Variants in NECTIN1 observed in about 807,000 individuals in gnomAD.
NECTIN1 encodes nectin-1.
A neutral mutation model predicts 48.0 loss-of-function variants in NECTIN1; 23 were observed. The ratio of observed to expected loss-of-function variants is 0.48; its 90% CI spans 0.34 to 0.68. NECTIN1 has a LOEUF of 0.68. Ranked by LOEUF, NECTIN1 falls within the 30% of genes least tolerant of loss-of-function variation. The pLI is 0.01. For synonymous variants in NECTIN1, 270 were observed against 288.9 expected (o/e 0.93, Z 0.66); for missense variants, 591 against 709.9 (o/e 0.83, Z 1.90).
At chr11:119,641,147 C>G (rs993147707) in intron 5 of NECTIN1, 4 of 152,284 alleles carry the variant, frequency 2.6e-5, no homozygotes, top group African/African-American at 9.7e-5. Context: ...CAACCCCTCT[C>G]TGGCCTGTCT....
intron 1 of NECTIN1, among the ~76,000 whole-genome samples, chr11:119,691,466 T>G (rs1865251033): frequency 1.3e-5 from 2 of 152,216 alleles, no homozygotes; most frequent in South Asian, 4.1e-4. Context: ...CCAGCTGAGC[T>G]GAAGGCTGCT....
chr11:119,700,477 CG>C (rs949472864), intron 1 of NECTIN1, among the ~76,000 whole-genome samples: 4 of 152,198 alleles, frequency 2.6e-5, no homozygotes, highest in Non-Finnish European at 5.9e-5. Context: ...GAAGGCTGCT[CG>C]GTTGATCCTT....
At position 119,661,479 on chromosome 11, in the gene NECTIN1, T is replaced by C; in HGVS notation, c.*3268A>G. ...CTGCCCCTCACTAGGAGAGGGTTTCTGTTGGCAGTCAGGCTTTGGGGGTCT... is the reference window on the plus strand; with the variant it reads ...CTGCCCCTCACTAGGAGAGGGTTTCCGTTGGCAGTCAGGCTTTGGGGGTCT... On this transcript the variant is annotated 3_prime_UTR_variant, in exon 6 of 6. Coordinates refer to ENST00000264025, the MANE Select transcript of NECTIN1 (RefSeq NM_002855.5). 4 of 985,976 alleles carry C rather than the reference T, an allele frequency of 4.1e-6. No homozygotes were observed. The highest frequency in any genetic ancestry group is 4.8e-6 in the Non-Finnish European group (4 of 830,038). The allele number at this position is 985,976 out of a possible 1,614,324, so 61.1% of individuals were successfully genotyped here. A position where few individuals can be genotyped will look rare whatever the true frequency, so the allele number is the denominator to read the frequency against.
intron 1 of NECTIN1, among the ~76,000 whole-genome samples, chr11:119,701,989 A>T (rs1047408949): frequency 6.6e-6 from 1 of 152,204 alleles, no homozygotes; most frequent in African/African-American, 2.4e-5. Context: ...TAGCAAGCTG[A>T]CGTTGACTCA....
chr11:119,667,400 G>A (rs1223205032), intron 5 of NECTIN1, among the ~76,000 whole-genome samples: 2 of 152,146 alleles, frequency 1.3e-5, no homozygotes, highest in Non-Finnish European at 2.9e-5. Flanking sequence ...TGCTAGTCAC[G>A]GGATATGAGA....
At position 119,721,680 on chromosome 11, in the gene NECTIN1, CCTG is replaced by C. The variant is rs375901129; in HGVS notation, c.79+6792_79+6794del. ...TGTCTGCTGCTCTGTCTAGTCCACA[CCTG>C]CTCTCTGCTCCGGGCCAGGCCCACA... On this transcript the variant is annotated intron_variant, in intron 1 of 5. Coordinates refer to ENST00000264025, the MANE Select transcript of NECTIN1 (RefSeq NM_002855.5). Among the ~76,000 whole-genome samples the C allele has an allele frequency of 5.1e-3, 779 of 152,362 alleles. 4 individuals carry two copies. Among genetic ancestry groups the C allele is most frequent in the African/African-American group, 0.018 (754 of 41,580 alleles).
At position 119,662,304 on chromosome 11, in the gene NECTIN1, C is replaced by T. The variant is rs1181568152; in HGVS notation, c.*2443G>A. 7 of 985,682 alleles carry T rather than the reference C, an allele frequency of 7.1e-6. No homozygotes were observed. The highest frequency in any genetic ancestry group is 6.1e-5 in the Admixed American group (1 of 16,270). 61.1% of individuals were successfully genotyped at this position (985,682 alleles called of 1,614,324 possible). A position where few individuals can be genotyped will look rare whatever the true frequency, so the allele number is the denominator to read the frequency against. ...CCCACAAACTTGGGGCACAGAAAAC[C>T]TCACATCCCTAGGTCCAAGTGCTGA... is the stretch of plus-strand genomic sequence containing the variant. On this transcript the variant is annotated 3_prime_UTR_variant, in exon 6 of 6. Coordinates refer to ENST00000264025, the MANE Select transcript of NECTIN1 (RefSeq NM_002855.5). The surrounding 1 kb of genome is among the most constrained non-coding windows in gnomAD (Gnocchi z 5.3).
Position 119,655,217 on chromosome 11 carries a change from C to CT in NECTIN1, c.1004-15206dup, listed in dbSNP as rs934080607. On this transcript the variant is annotated intron_variant, in intron 5 of 7. Transcript: ENST00000341398. ...TGAGCCACCCTGACTGGGTAACAGA[C>CT]TTTTTTTTTTTTTAAAAGAGCAATT... 4.8e-3 allele frequency among the ~76,000 whole-genome samples: 705 copies of CT among 145,884 alleles called. 2 individuals carry two copies. The highest frequency in any genetic ancestry group is 0.01 in the African/African-American group (408 of 40,012).
intron 1 of NECTIN1, among the ~76,000 whole-genome samples, chr11:119,715,764 G>A (rs1351189175): frequency 2.6e-5 from 4 of 152,112 alleles, no homozygotes; most frequent in Non-Finnish European, 5.9e-5. Flanking sequence ...ACTGAGGCCT[G>A]ACCCACAAGG....
chr11:119,638,733 G>C, exon 7 of NECTIN1: 1 of 1,613,668 alleles, frequency 6.2e-7, no homozygotes, highest in Non-Finnish European at 8.5e-7. Flanking sequence ...AGGCCCACCT[G>C]GATATCCTCA....
intron 1 of NECTIN1, among the ~76,000 whole-genome samples, chr11:119,718,314 C>T (rs895943051): frequency 7.9e-5 from 12 of 152,210 alleles, no homozygotes; most frequent in African/African-American, 2.7e-4. Flanking sequence ...AAGCTGAGGA[C>T]GCCTGGACCC....
At chr11:119,693,700 G>A (rs1031552946) in intron 1 of NECTIN1, among the ~76,000 whole-genome samples, 6 of 152,122 alleles carry the variant, frequency 3.9e-5, no homozygotes, top group African/African-American at 1.4e-4. Context: ...AAACACGCAG[G>A]GGGCTCCAAC....
At position 119,663,736 on chromosome 11, in the gene NECTIN1, C is replaced by T. The variant is rs750150161; in HGVS notation, c.*1011G>A. The T allele has an allele frequency of 8.1e-6, 8 of 985,384 alleles. No homozygotes were observed. Among genetic ancestry groups the T allele is most frequent in the African/African-American group, 1.7e-5 (1 of 57,244 alleles). The allele number at this position is 985,384 out of a possible 1,614,324, so 61.0% of individuals were successfully genotyped here. A position where few individuals can be genotyped will look rare whatever the true frequency, so the allele number is the denominator to read the frequency against. On this transcript the variant is annotated 3_prime_UTR_variant, in exon 6 of 6. Transcript: ENST00000264025. ...AAGGGAGAAATCAGAGAAACCTCCA[C>T]GCTGTAAGAAGCAGTTTGGGGCAGG...
chr11:119,686,988 T>C (rs926178071), intron 1 of NECTIN1, among the ~76,000 whole-genome samples: 5 of 152,110 alleles, frequency 3.3e-5, no homozygotes, highest in African/African-American at 1.2e-4. Flanking sequence ...GGGTTAGCCA[T>C]TTCTCAGGTC....
chr11:119,661,928 G>A lies in NECTIN1; in HGVS notation c.*2819C>T, dbSNP rs1013549986. ...CACACGTACTGGGTCTGAGGTGGTCGCACTTGCAGGCCTGTGTTCACCTAC... is the reference window on the plus strand; with the variant it reads ...CACACGTACTGGGTCTGAGGTGGTCACACTTGCAGGCCTGTGTTCACCTAC... On this transcript the variant is annotated 3_prime_UTR_variant, in exon 6 of 6. Coordinates refer to ENST00000264025, the MANE Select transcript of NECTIN1 (RefSeq NM_002855.5). The A allele has an allele frequency of 2.0e-6, 2 of 985,342 alleles. No individual in the cohort carries two copies. The highest frequency in any genetic ancestry group is 2.4e-6 in the Non-Finnish European group (2 of 829,924). 61.0% of individuals were successfully genotyped at this position (985,342 alleles called of 1,614,324 possible).
At chr11:119,660,615 C>T (rs952993439), downstream of NECTIN1, among the ~76,000 whole-genome samples, 1 of 152,116 alleles carries the variant, frequency 6.6e-6, no homozygotes, top group Non-Finnish European at 1.5e-5. Flanking sequence ...GATAGGGGAA[C>T]TGGAATCTGG....
At chr11:119,648,918 G>T (rs1031094823) in intron 5 of NECTIN1, among the ~76,000 whole-genome samples, 1 of 152,184 alleles carries the variant, frequency 6.6e-6, no homozygotes, top group African/African-American at 2.4e-5. Flanking sequence ...CCTTCCTGGG[G>T]CTTGGGTCTG....
intron 1 of NECTIN1, among the ~76,000 whole-genome samples, chr11:119,719,410 A>T (rs764674122): frequency 2.8e-4 from 43 of 152,198 alleles, no homozygotes; most frequent in Non-Finnish European, 5.3e-4. Flanking sequence ...ATAAACACGG[A>T]CATGGGGCCT....
At position 119,709,582 on chromosome 11, in the gene NECTIN1, G is replaced by A. The variant is rs1406744045; in HGVS notation, c.79+18893C>T. Among the ~76,000 whole-genome samples, 1 of 152,188 alleles carries A rather than the reference G, an allele frequency of 6.6e-6. No homozygotes were observed. Among genetic ancestry groups the A allele is most frequent in the African/African-American group, 2.4e-5 (1 of 41,440 alleles). ...AGCTCCCTAGTCTGTAAGGGCAGAAGGTGCTCTTGAATGGAAGCAGGGAGG... is the reference window on the plus strand; with the variant it reads ...AGCTCCCTAGTCTGTAAGGGCAGAAAGTGCTCTTGAATGGAAGCAGGGAGG... On this transcript the variant is annotated intron_variant, in intron 1 of 5. Transcript: ENST00000264025. The surrounding 1 kb of genome is among the most constrained non-coding windows in gnomAD (Gnocchi z 4.1).
Sources: allele counts gnomAD v4.1 joint callset (sites outside exome capture counted in the v4.1 genomes callset), GRCh38; gene constraint gnomAD v4.1.1; non-coding constraint Gnocchi (gnomAD v3.1); transcripts MANE v1.5; gene names NCBI Gene and HGNC (gene_info 2026-07-23, HGNC 2026-07-21).